LRBA: variants seen among roughly 807,000 people sequenced by gnomAD.
LRBA encodes the protein lipopolysaccharide-responsive and beige-like anchor protein.
Under a neutral mutation model 330.0 loss-of-function variants are expected in LRBA, and 176 were observed. That is an observed-to-expected ratio of 0.53 (90% CI 0.47 to 0.60). LRBA has a LOEUF of 0.60. LRBA is among the 20% of genes least tolerant of loss of function. The pLI is 0.00. For synonymous variants in LRBA, 1,230 were observed against 1,193.0 expected (o/e 1.03, Z -0.64); for missense variants, 3,259 against 3,444.8 (o/e 0.95, Z 1.35).
rs1328042892 is a variant in LRBA, at chr4:150,265,904, A to G, written c.8469-92T>C. The G allele has an allele frequency of 3.8e-6, 3 of 782,602 alleles. No individual in the cohort carries two copies. The East Asian group carries it at 7.6e-5, about 20-fold the overall frequency. 48.5% of individuals were successfully genotyped at this position (782,602 alleles called of 1,614,324 possible). On this transcript the variant is annotated intron_variant, in intron 56 of 56. Transcript: ENST00000651943. ...CTCTCCCCAAATCCACAAGGTAAAT[A>G]TAGAAGCTGGCAGTGAAGGCTCCAA...
rs553654490 is a variant in LRBA at position 150,591,955 on chromosome 4, A to G, written c.6047-1096T>C. Among the ~76,000 whole-genome samples the G allele has an allele frequency of 7.2e-5, 11 of 152,196 alleles. No individual in the cohort carries two copies. The South Asian group carries it at 1.7e-3, about 23-fold the overall frequency. ...TACGACAAGCAGGAAGGCAGATGCT[A>G]ACTTCTAAATTGTGATTTGTAAAAC... On this transcript the variant is annotated intron_variant, in intron 38 of 56. Transcript: ENST00000651943.
At chr4:150,487,936 AT>A (rs1758085267) in intron 41 of LRBA, 102 bp from the exon 42 acceptor site, 1 of 518,008 alleles carries the variant, frequency 1.9e-6, no homozygotes, top group African/African-American at 1.9e-5. Context: ...TCAGGTATCT[AT>A]TAAATACAAT....
chr4:150,765,941 C>A (rs1020925695), intron 34 of LRBA, among the ~76,000 whole-genome samples: 2 of 151,922 alleles, frequency 1.3e-5, no homozygotes, highest in African/African-American at 4.8e-5. Context: ...AATTTGTAAT[C>A]TAAACTTATC....
chr4:150,813,507 T>C (rs1029832741), intron 31 of LRBA, among the ~76,000 whole-genome samples: 2 of 152,160 alleles, frequency 1.3e-5, no homozygotes, highest in Non-Finnish European at 2.9e-5. Context: ...GTCTTAATAA[T>C]GTATACTATT....
At chr4:150,926,651 A>C (rs1305823226) in intron 4 of LRBA, among the ~76,000 whole-genome samples, 1 of 152,222 alleles carries the variant, frequency 6.6e-6, no homozygotes, top group Non-Finnish European at 1.5e-5. Flanking sequence ...AAACTGACCT[A>C]GAAAATGACA....
intron 34 of LRBA, among the ~76,000 whole-genome samples, chr4:150,788,204 C>T (rs1314571716): frequency 6.7e-6 from 1 of 149,608 alleles, no homozygotes; most frequent in Non-Finnish European, 1.5e-5. Context: ...TCCCAAGTGG[C>T]TGGGACTACA....
intron 2 of LRBA, among the ~76,000 whole-genome samples, chr4:150,933,963 G>A (rs1461975978): frequency 6.6e-6 from 1 of 151,828 alleles, no homozygotes; most frequent in Non-Finnish European, 1.5e-5. Flanking sequence ...GGCAGAGGTT[G>A]CAGCAGCCCA....
intron 40 of LRBA, among the ~76,000 whole-genome samples, chr4:150,520,540 T>C (rs1016972740): frequency 6.6e-6 from 1 of 152,208 alleles, no homozygotes; most frequent in Non-Finnish European, 1.5e-5. Flanking sequence ...ACAATTTTTA[T>C]GCCCATCAAT....
At chr4:150,371,182 ATTTTTTTTTT>A (rs70937395) in intron 47 of LRBA, among the ~76,000 whole-genome samples, 5 of 91,926 alleles carry the variant, frequency 5.4e-5, no homozygotes, top group African/African-American at 1.4e-4. Context: ...AAGCTACTAA[ATTTTTTTTTT>A]TTTTTTTTTT....
intron 36 of LRBA, among the ~76,000 whole-genome samples, chr4:150,723,640 G>A (rs144044639): frequency 5.8e-4 from 88 of 152,306 alleles, no homozygotes; most frequent in African/African-American, 2.0e-3. Flanking sequence ...CAGCTATGGT[G>A]CCTACAGTGA....
intron 2 of LRBA, among the ~76,000 whole-genome samples, chr4:150,989,784 T>TA (rs113587178): frequency 0.021 from 3,004 of 140,538 alleles, 22 homozygotes; most frequent in African/African-American, 0.027. Context: ...GTAAAGGGGG[T>TA]AAAAAAAAAA....
chr4:150,683,545 C>T lies in LRBA; in HGVS notation c.5921+6G>A, dbSNP rs1561510990. On this transcript the variant is annotated splice_donor_region_variant and intron_variant, in intron 37 of 56. Coordinates refer to ENST00000651943, the MANE Select transcript of LRBA (RefSeq NM_001364905.1). ...CAGTGGCCAAATCCTAAAGGTATCC[C>T]TTTACCTCACTGCAGAATTTCCCCA... 6.2e-7 allele frequency: 1 copy of T among 1,613,002 alleles called. No individual in the cohort carries two copies. The highest frequency in any genetic ancestry group is 8.5e-7 in the Non-Finnish European group (1 of 1,179,228).
intron 48 of LRBA, among the ~76,000 whole-genome samples, chr4:150,336,752 C>T (rs896486804): frequency 6.6e-6 from 1 of 152,200 alleles, no homozygotes; most frequent in Non-Finnish European, 1.5e-5. Flanking sequence ...AGTCCCAACC[C>T]AGCCTCACTA....
Position 150,590,758 on chromosome 4 carries a change from C to A in LRBA, c.6148G>T (p.Asp2050Tyr). 2 of 1,614,074 alleles carry A rather than the reference C, an allele frequency of 1.2e-6. No individual in the cohort carries two copies. The highest frequency in any genetic ancestry group is 1.7e-6 in the Non-Finnish European group (2 of 1,179,946). Residue 2050 changes from aspartate (D) to tyrosine (Y), a missense_variant, in exon 39 of 57, where the codon GAT (aspartate) becomes TAT (tyrosine). Coordinates refer to ENST00000651943, the MANE Select transcript of LRBA (RefSeq NM_001364905.1). Reference protein sequence around the residue: ...ENEILLEGDDDTLSSVDEKDL... With the variant: ...ENEILLEGDDYTLSSVDEKDL... ...TTCTCATCCACGGATGACAGAGTAT[C>A]ATCATCGCCTTCCAGGAGGATCTCG...
chr4:151,006,905 A>G (rs1409458439), intron 2 of LRBA, among the ~76,000 whole-genome samples: 1 of 152,216 alleles, frequency 6.6e-6, no homozygotes, highest in Non-Finnish European at 1.5e-5. Context: ...TACTCATGAT[A>G]GCTAGTAAAA....
intron 52 of LRBA, among the ~76,000 whole-genome samples, chr4:150,309,201 A>G (rs1381362104): frequency 6.6e-6 from 1 of 152,190 alleles, no homozygotes; most frequent in Non-Finnish European, 1.5e-5. Context: ...AGATGTGTTT[A>G]GACACACAGA....
At chr4:150,563,600 G>T (rs927878023) in intron 40 of LRBA, among the ~76,000 whole-genome samples, 1 of 152,144 alleles carries the variant, frequency 6.6e-6, no homozygotes, top group Non-Finnish European at 1.5e-5. Context: ...AATTGTCTCT[G>T]TTTGCAGACG....
intron 36 of LRBA, among the ~76,000 whole-genome samples, chr4:150,691,311 A>G (rs62346268): frequency 0.16 from 24,407 of 152,148 alleles, 4,626 homozygotes; most frequent in African/African-American, 0.46. Context: ...ATACATCTAA[A>G]TGACAAATGA....
At chr4:150,890,252 A>G (rs1421243448) in intron 17 of LRBA, among the ~76,000 whole-genome samples, 1 of 152,242 alleles carries the variant, frequency 6.6e-6, no homozygotes, top group Non-Finnish European at 1.5e-5. Context: ...AGAAGTATAG[A>G]TCATGAATTT....
Sources: gnomAD v4.1 joint callset for allele counts (sites outside exome capture counted in the v4.1 genomes callset) on GRCh38, gnomAD v4.1.1 for gene constraint, MANE v1.5 for transcripts, NCBI Gene and HGNC (gene_info 2026-07-23, HGNC 2026-07-21) for gene names.